GRID2: variants seen among roughly 807,000 people sequenced by gnomAD.
GRID2 encodes glutamate ionotropic receptor delta type subunit 2.
In GRID2, 33 loss-of-function variants were observed where a neutral mutation model predicts 114.8. That is an observed-to-expected ratio of 0.29 (90% CI 0.22 to 0.38). The LOEUF is 0.38. Ranked by LOEUF, GRID2 falls within the 10% of genes least tolerant of loss-of-function variation. The pLI, the probability that GRID2 is intolerant of heterozygous loss-of-function variation, is 1.00. For synonymous variants in GRID2, 505 were observed against 449.9 expected (o/e 1.12, Z -1.55); for missense variants, 1,184 against 1,257.7 (o/e 0.94, Z 0.89).
At chr4:93,021,740 T>C (rs1324623894) in intron 2 of GRID2, among the ~76,000 whole-genome samples, 2 of 145,810 alleles carry the variant, frequency 1.4e-5, no homozygotes, top group Non-Finnish European at 3.0e-5. Context: ...ATTATGAATA[T>C]TATAATTATT....
chr4:92,314,455 A>C (rs943954897), intron 1 of GRID2, among the ~76,000 whole-genome samples: 3 of 152,114 alleles, frequency 2.0e-5, no homozygotes, highest in African/African-American at 7.2e-5. Context: ...GATTTGCTTC[A>C]AACATCACTT....
intron 8 of GRID2, among the ~76,000 whole-genome samples, chr4:93,376,075 C>A (rs1763351514): frequency 6.6e-6 from 1 of 152,140 alleles, no homozygotes; most frequent in Admixed American, 6.5e-5. Flanking sequence ...CTACAACAGT[C>A]TGATTAGTTT....
rs1317634243 is a variant in GRID2, at chr4:93,208,859, T to C, written c.789+1402T>C. ...AAAGTTCTGGTACCTTCTAAGTTTCTAGTATGTCTTAATTTTCATGTGGAA... is the reference window on the plus strand; with the variant it reads ...AAAGTTCTGGTACCTTCTAAGTTTCCAGTATGTCTTAATTTTCATGTGGAA... On this transcript the variant is annotated intron_variant, in intron 5 of 15. Transcript: ENST00000282020. 2.0e-5 allele frequency among the ~76,000 whole-genome samples: 3 copies of C among 152,094 alleles called. No homozygotes were observed. In the East Asian group the frequency reaches 5.8e-4, roughly 29 times the overall value.
At chr4:92,623,149 T>C (rs890701667) in intron 2 of GRID2, among the ~76,000 whole-genome samples, 2 of 151,788 alleles carry the variant, frequency 1.3e-5, no homozygotes, top group African/African-American at 4.8e-5. Context: ...TATTTTAAAA[T>C]AGTTATTTTA....
intron 13 of GRID2, among the ~76,000 whole-genome samples, chr4:93,582,881 C>T (rs987436837): frequency 6.6e-6 from 1 of 152,144 alleles, no homozygotes; most frequent in Non-Finnish European, 1.5e-5. Flanking sequence ...CATAACAAGT[C>T]ACCACAAGCT....
chr4:93,692,053 A>C (rs1426472326), intron 14 of GRID2, among the ~76,000 whole-genome samples: 1 of 152,098 alleles, frequency 6.6e-6, no homozygotes, highest in Admixed American at 6.6e-5. Flanking sequence ...AAAAAAGTCA[A>C]AAAAAGTGAC....
intron 2 of GRID2, among the ~76,000 whole-genome samples, chr4:92,653,855 C>T (rs1296758890): frequency 1.3e-5 from 2 of 152,090 alleles, no homozygotes; most frequent in Non-Finnish European, 2.9e-5. Flanking sequence ...TTTGTGACAT[C>T]TTATGTGGTC....
intron 8 of GRID2, among the ~76,000 whole-genome samples, chr4:93,369,082 C>T (rs547240499): frequency 1.3e-5 from 2 of 152,320 alleles, no homozygotes; most frequent in African/African-American, 2.4e-5. Context: ...AATTTATTCT[C>T]TCACAGTTTT....
intron 8 of GRID2, among the ~76,000 whole-genome samples, chr4:93,372,945 G>C (rs1763067787): frequency 2.0e-5 from 3 of 151,974 alleles, no homozygotes; most frequent in African/African-American, 7.2e-5. Flanking sequence ...ACTTTTGTGG[G>C]TATCTATATT....
chr4:93,321,477 G>A (rs1757206416), intron 8 of GRID2, among the ~76,000 whole-genome samples: 1 of 151,996 alleles, frequency 6.6e-6, no homozygotes, highest in Non-Finnish European at 1.5e-5. Flanking sequence ...TAGGGAAGAG[G>A]ATGTGTACAA....
At chr4:93,164,161 A>C (rs569060213) in intron 4 of GRID2, among the ~76,000 whole-genome samples, 1 of 148,142 alleles carries the variant, frequency 6.8e-6, no homozygotes, top group African/African-American at 2.5e-5. Flanking sequence ...CCGGGGGGGG[A>C]AAAAAAAGGT....
chr4:92,872,282 A>G (rs1361049284), intron 2 of GRID2, among the ~76,000 whole-genome samples: 1 of 152,208 alleles, frequency 6.6e-6, no homozygotes, highest in Non-Finnish European at 1.5e-5. Flanking sequence ...AAAGCTGTTC[A>G]AATGTAATAA....
chr4:92,613,610 C>T (rs74654452), intron 2 of GRID2, among the ~76,000 whole-genome samples: 2,363 of 151,488 alleles, frequency 0.016, 55 homozygotes, highest in African/African-American at 0.054. Flanking sequence ...TTTTTCTCAT[C>T]GCTGAGTGAG....
chr4:93,596,758 T>C (rs865841698), intron 13 of GRID2, among the ~76,000 whole-genome samples: 4 of 152,352 alleles, frequency 2.6e-5, no homozygotes, highest in Middle Eastern at 3.4e-3. Context: ...TGGATATTAC[T>C]TGTGAAAACA....
intron 4 of GRID2, among the ~76,000 whole-genome samples, chr4:93,193,539 G>A (rs1486084111): frequency 6.6e-6 from 1 of 152,110 alleles, no homozygotes. Context: ...TGCCATGATT[G>A]TAAGTTTCCT....
intron 2 of GRID2, among the ~76,000 whole-genome samples, chr4:93,028,513 G>C (rs1724092740): frequency 1.3e-5 from 2 of 152,082 alleles, no homozygotes; most frequent in South Asian, 4.1e-4. Flanking sequence ...AATCATGCGT[G>C]ATTAGGCAGA....
At chr4:93,097,477 A>G (rs1731323455) in intron 3 of GRID2, among the ~76,000 whole-genome samples, 1 of 152,004 alleles carries the variant, frequency 6.6e-6, no homozygotes, top group Admixed American at 6.6e-5. Flanking sequence ...CTGGGAACCC[A>G]AATTTGAAAG....
intron 13 of GRID2, among the ~76,000 whole-genome samples, chr4:93,599,713 TTGAGA>T (rs766980511): frequency 1.3e-5 from 2 of 152,094 alleles, no homozygotes; most frequent in African/African-American, 2.4e-5. Flanking sequence ...GATATGACCC[TTGAGA>T]GAAGAAACTG....
chr4:93,604,637 A>G (rs1389594567), intron 13 of GRID2, among the ~76,000 whole-genome samples: 1 of 152,212 alleles, frequency 6.6e-6, no homozygotes, highest in Admixed American at 6.5e-5. Flanking sequence ...TCTTTTGTGA[A>G]AGAAAAATTT....
Sources: gnomAD v4.1 joint callset for allele counts (sites outside exome capture counted in the v4.1 genomes callset) on GRCh38, gnomAD v4.1.1 for gene constraint, MANE v1.5 for transcripts, NCBI Gene and HGNC (gene_info 2026-07-23, HGNC 2026-07-21) for gene names.